TRIT1: variants seen among roughly 807,000 people sequenced by gnomAD.
TRIT1 encodes the protein tRNA isopentenyltransferase 1, also known as tRNA dimethylallyltransferase.
TRIT1 carries 43 observed loss-of-function variants against 51.2 expected under a neutral mutation model. The ratio of observed to expected loss-of-function variants is 0.84; its 90% CI spans 0.66 to 1.08. The LOEUF is 1.08. Among genes scored for constraint, TRIT1 ranks in the 50% least tolerant of loss-of-function variants. The pLI, the probability that TRIT1 is intolerant of heterozygous loss-of-function variation, is 0.00. For missense variants in TRIT1, 528 were observed against 578.4 expected, an observed-to-expected ratio of 0.91 and a Z score of 0.89; for synonymous variants, 184 against 203.9, an observed-to-expected ratio of 0.90 and a Z score of 0.83.
At chr1:39,879,504 T>A (rs1644176070) in intron 1 of TRIT1, among the ~76,000 whole-genome samples, 1 of 149,316 alleles carries the variant, frequency 6.7e-6, no homozygotes, top group Non-Finnish European at 1.5e-5. Flanking sequence ...ATATATATAT[T>A]TATCACCAGC....
At chr1:39,878,617 C>T (rs554864916) in intron 1 of TRIT1, among the ~76,000 whole-genome samples, 3 of 152,198 alleles carry the variant, frequency 2.0e-5, no homozygotes, top group Admixed American at 2.0e-4. Flanking sequence ...TTTAAAAAAC[C>T]CAATTTAGAA....
At chr1:39,878,424 G>C (rs1387089585) in intron 1 of TRIT1, among the ~76,000 whole-genome samples, 1 of 152,194 alleles carries the variant, frequency 6.6e-6, no homozygotes, top group Non-Finnish European at 1.5e-5. Context: ...CCTTGGGTAG[G>C]TGTTGCCTTG....
rs529375001 is a variant in TRIT1, at chr1:39,877,019, CAAAAA to C, written c.174+6294_174+6298del. 2.3e-4 allele frequency among the ~76,000 whole-genome samples: 17 copies of C among 74,616 alleles called. 1 individual carries two copies. Among genetic ancestry groups the C allele is most frequent in the African/African-American group, 5.9e-4 (11 of 18,600 alleles). The allele number at this position is 74,616 out of a possible 152,430, so 49.0% of individuals were successfully genotyped here. On this transcript the variant is annotated intron_variant, in intron 1 of 10. Transcript: ENST00000316891. ...CCTTTTCTCCTGGTTAATGGGTCTT[CAAAAA>C]AAAAAAAAAAAAAAAAAAAACAGGT...
intron 2 of TRIT1, among the ~76,000 whole-genome samples, chr1:39,856,679 C>T (rs1642922031): frequency 6.6e-6 from 1 of 151,924 alleles, no homozygotes; most frequent in African/African-American, 2.4e-5. Flanking sequence ...AGGGCAATCC[C>T]CCTTATATTA....
At chr1:39,868,182 G>A (rs1453030049) in intron 1 of TRIT1, among the ~76,000 whole-genome samples, 21 of 150,882 alleles carry the variant, frequency 1.4e-4, no homozygotes, top group Admixed American at 1.3e-3. Context: ...TCCTGACCTC[G>A]TGATCCATAA....
rs199622789 is a variant in TRIT1 at position 39,847,628 on chromosome 1, A to C, written c.848T>G (p.Ile283Ser). The C allele has an allele frequency of 1.0e-4, 161 of 1,614,066 alleles. No individual in the cohort carries two copies. Among genetic ancestry groups the C allele is most frequent in the Non-Finnish European group, 1.3e-4 (154 of 1,180,038 alleles). Residue 283 changes from isoleucine to serine, a missense_variant, in exon 7 of 11, where the codon ATT becomes AGT. Physicochemically the swap from Ile to Ser is moderately radical, Grantham distance 142. This residue lies in a region of TRIT1 where 468 missense variants were observed against 522.6 expected (regional missense o/e 0.90). Transcript: ENST00000316891. Reference sequence around the variant, plus strand: ...GTACTCGTGAAATTCCTTGAAGCCAATTGATTGGAAGATACCATGTTGATA... The same window carrying C: ...GTACTCGTGAAATTCCTTGAAGCCACTTGATTGGAAGATACCATGTTGATA... ...QDYQHGIFQS[I>S]GFKEFHEYLI...
At chr1:39,874,825 T>C (rs1034268250) in intron 1 of TRIT1, among the ~76,000 whole-genome samples, 2 of 151,956 alleles carry the variant, frequency 1.3e-5, no homozygotes, top group South Asian at 2.1e-4. Context: ...ACCACCATGC[T>C]TGACTAATTT....
chr1:39,867,741 T>C (rs930859737), intron 1 of TRIT1, among the ~76,000 whole-genome samples: 1 of 152,190 alleles, frequency 6.6e-6, no homozygotes, highest in Non-Finnish European at 1.5e-5. Flanking sequence ...CCCCTGGCCA[T>C]ATAACTGGCT....
At chr1:39,870,609 A>G (rs916037777) in intron 1 of TRIT1, among the ~76,000 whole-genome samples, 2 of 142,590 alleles carry the variant, frequency 1.4e-5, no homozygotes, top group African/African-American at 5.3e-5. Flanking sequence ...GAACTGCGGA[A>G]ATTAAAAGAA....
At chr1:39,863,943 G>A (rs553381048) in intron 1 of TRIT1, among the ~76,000 whole-genome samples, 1 of 152,224 alleles carries the variant, frequency 6.6e-6, no homozygotes, top group Non-Finnish European at 1.5e-5. Context: ...CCAGGCTGGG[G>A]TGCAGTGGTG....
chr1:39,847,339 C>G (rs775790210), intron 7 of TRIT1, 42 bp from the exon 8 acceptor site: 6 of 1,561,898 alleles, frequency 3.8e-6, no homozygotes, highest in Non-Finnish European at 5.3e-6. Context: ...GGTAAGCACT[C>G]CTTACCCTGC....
chr1:39,870,983 C>G (rs928921046), intron 1 of TRIT1, among the ~76,000 whole-genome samples: 3 of 152,216 alleles, frequency 2.0e-5, no homozygotes, highest in Non-Finnish European at 4.4e-5. Flanking sequence ...CACCTGAGAT[C>G]AGGAGTTCAA....
intron 5 of TRIT1, among the ~76,000 whole-genome samples, chr1:39,848,441 A>G (rs1357642750): frequency 1.3e-5 from 2 of 151,818 alleles, no homozygotes; most frequent in East Asian, 1.9e-4. Flanking sequence ...TTTTAATTTA[A>G]TATGTCATTA....
intron 1 of TRIT1, among the ~76,000 whole-genome samples, chr1:39,882,583 C>T (rs1644298368): frequency 6.6e-6 from 1 of 152,198 alleles, no homozygotes; most frequent in South Asian, 2.1e-4. Context: ...GACAAAGCCC[C>T]TTCAACTTTA....
In TRIT1 at chr1:39,844,157, C is replaced by A; in HGVS notation, c.1178G>T (p.Ser393Ile). The change falls in exon 10 of 11, where the codon AGT becomes ATT. Residue 393 changes from serine to isoleucine, a missense_variant. Ser to Ile is a moderately radical substitution (Grantham distance 142). Around this residue, in one of 3 missense-constraint regions of TRIT1, gnomAD observed 468 missense variants for 522.6 expected, o/e 0.90. Coordinates refer to ENST00000316891, the MANE Select transcript of TRIT1 (RefSeq NM_017646.6). ...MPYNEAENKR[S>I]YHLCDLCDRI... ...ATCACAGAGGTCACACAGGTGATAA[C>A]TTCTCTTGTTCTCAGCTTCATTGTA... 6.2e-7 allele frequency: 1 copy of A among 1,614,236 alleles called. No individual in the cohort carries two copies. Among genetic ancestry groups the A allele is most frequent in the Non-Finnish European group, 8.5e-7 (1 of 1,180,036 alleles).
intron 1 of TRIT1, among the ~76,000 whole-genome samples, chr1:39,869,495 CCG>C (rs1387852506): frequency 1.3e-5 from 2 of 152,232 alleles, no homozygotes; most frequent in African/African-American, 2.4e-5. Flanking sequence ...TCCCAAAGTG[CCG>C]AGATTGCAGC....
chr1:39,841,952 C>A, intron 10 of TRIT1, 39 bp from the exon 11 acceptor site: 1 of 1,571,548 alleles, frequency 6.4e-7, no homozygotes, highest in South Asian at 1.2e-5. Flanking sequence ...CAAAAAAACT[C>A]ATTAGGAATT....
At chr1:39,871,425 C>T (rs896646841) in intron 1 of TRIT1, among the ~76,000 whole-genome samples, 2 of 151,940 alleles carry the variant, frequency 1.3e-5, no homozygotes, top group African/African-American at 4.8e-5. Flanking sequence ...ACAAAAAATA[C>T]AAAAATGAGC....
intron 4 of TRIT1, 37 bp downstream of exon 4, chr1:39,852,694 T>C: frequency 6.2e-7 from 1 of 1,603,210 alleles, no homozygotes; most frequent in Non-Finnish European, 8.5e-7. Context: ...TCTCTAGTTG[T>C]AAAGGAATTT....
Sources: allele counts gnomAD v4.1 joint callset (sites outside exome capture counted in the v4.1 genomes callset), GRCh38; gene constraint gnomAD v4.1.1; regional missense constraint gnomAD v4.1.1; transcripts MANE v1.5; gene names NCBI Gene and HGNC (gene_info 2026-07-23, HGNC 2026-07-21).